Variants in USP48 observed in about 807,000 individuals in gnomAD.
USP48 encodes the protein ubiquitin specific peptidase 48.
A neutral mutation model predicts 150.7 loss-of-function variants in USP48; 43 were observed. The ratio of observed to expected loss-of-function variants is 0.29; its 90% CI spans 0.22 to 0.37. The LOEUF is 0.37. Ranked by LOEUF, USP48 falls within the 10% of genes least tolerant of loss-of-function variation. The pLI is 1.00. For missense variants in USP48, 813 were observed against 1,249.6 expected, an observed-to-expected ratio of 0.65 and a Z score of 5.27; for synonymous variants, 396 against 425.9, an observed-to-expected ratio of 0.93 and a Z score of 0.86.
In USP48 at chr1:21,706,180, T is replaced by C. The variant is rs1430423515; in HGVS notation, c.2219A>G (p.Asp740Gly). ...PCLSNWPEDT[D>G]VLYIVSQFFV... Reference sequence around the variant, plus strand: ...GAACTGAGACACGATGTAGAGGACATCCGTATCCTAGAACACAAAAATCAC... The same window carrying C: ...GAACTGAGACACGATGTAGAGGACACCCGTATCCTAGAACACAAAAATCAC... The change falls in exon 18 of 27, where the codon GAT (aspartate) becomes GGT (glycine). Residue 740 changes from aspartate to glycine, a missense_variant. By Grantham distance (94) the Asp-to-Gly change is moderately conservative. Coordinates refer to ENST00000308271, the MANE Select transcript of USP48 (RefSeq NM_032236.8). 1.2e-6 allele frequency: 2 copies of C among 1,613,686 alleles called. No individual in the cohort carries two copies. The highest frequency in any genetic ancestry group is 2.2e-5 in the South Asian group (2 of 90,992).
intron 2 of USP48, 146 bp downstream of exon 2, chr1:21,757,517 G>T: frequency 2.7e-6 from 2 of 753,760 alleles, no homozygotes; most frequent in Non-Finnish European, 4.0e-6. Context: ...AATTCAAGTG[G>T]CTTAGAGTCT....
In USP48 at chr1:21,751,514, A is replaced by T; in HGVS notation, c.767T>A (p.Phe256Tyr). The T allele has an allele frequency of 6.2e-7, 1 of 1,613,434 alleles. No homozygotes were observed. The highest frequency in any genetic ancestry group is 8.5e-7 in the Non-Finnish European group (1 of 1,179,682). ...HKQLTDCISEFLKEEKLEGDN... is the reference protein window; with the variant it reads ...HKQLTDCISEYLKEEKLEGDN... ...ACACCAAAATTTGAATACCTTCAAA[A>T]ATTCCGAGATACAATCTGTTAACTG... Residue 256 changes from phenylalanine (F) to tyrosine (Y), a missense_variant, in exon 6 of 27, where the codon TTT (phenylalanine) becomes TAT (tyrosine). Phe to Tyr is a conservative substitution (Grantham distance 22). Transcript: ENST00000308271.
chr1:21,757,792 A>G lies in USP48; in HGVS notation c.135-9T>C, dbSNP rs570987086. On this transcript the variant is annotated splice_polypyrimidine_tract_variant and intron_variant, in intron 1 of 26. Transcript: ENST00000308271. ...TTCCTTTGCAGTTTCGTCTAAGGGG[A>G]AAAAAAAAACCTTTAATTTTTAAAA... The G allele has an allele frequency of 5.3e-5, 78 of 1,462,662 alleles. 1 individual carries two copies. Among genetic ancestry groups the G allele is most frequent in the South Asian group, 1.8e-4 (13 of 71,616 alleles). 90.6% of individuals were successfully genotyped at this position (1,462,662 alleles called of 1,614,324 possible).
chr1:21,782,402 C>T (rs1211589205), intron 1 of USP48, among the ~76,000 whole-genome samples: 2 of 152,062 alleles, frequency 1.3e-5, no homozygotes, highest in Admixed American at 1.3e-4. Flanking sequence ...TCTAAAGCTG[C>T]CCTCTACAAA....
chr1:21,713,504 T>C (rs1228379117), intron 15 of USP48, among the ~76,000 whole-genome samples: 1 of 152,136 alleles, frequency 6.6e-6, no homozygotes, highest in Non-Finnish European at 1.5e-5. Context: ...CTGTCAGTAC[T>C]GAAATGACAT....
At chr1:21,736,336 T>C in intron 9 of USP48, 110 bp downstream of exon 9, 4 of 1,113,518 alleles carry the variant, frequency 3.6e-6, no homozygotes, top group Non-Finnish European at 5.0e-6. Flanking sequence ...AATGCAAATA[T>C]CCTTGATAGT....
At position 21,679,168 on chromosome 1, in the gene USP48, G is replaced by GCCCTCTCCCC; in HGVS notation, c.*248_*249insGGGGAGAGGG. The GCCCTCTCCCC allele has an allele frequency of 3.8e-6, 2 of 531,240 alleles. No individual in the cohort carries two copies. Among genetic ancestry groups the GCCCTCTCCCC allele is most frequent in the Non-Finnish European group, 3.4e-6 (1 of 297,372 alleles). The allele number at this position is 531,240 out of a possible 1,614,324, so 32.9% of individuals were successfully genotyped here. A position where few individuals can be genotyped will look rare whatever the true frequency, so the allele number is the denominator to read the frequency against. ...TACTAAACTTGTTCCGTCTTTACTT[G>GCCCTCTCCCC]CCCCCTCCCACCCACCACCCCCCTT... On this transcript the variant is annotated 3_prime_UTR_variant, in exon 27 of 27. Transcript: ENST00000308271.
At chr1:21,781,564 T>A (rs1332554126) in intron 1 of USP48, among the ~76,000 whole-genome samples, 1 of 151,878 alleles carries the variant, frequency 6.6e-6, no homozygotes, top group African/African-American at 2.4e-5. Context: ...CGAAAACCCG[T>A]CTCCACTAAA....
chr1:21,729,823 G>C lies in USP48; in HGVS notation c.1181C>G (p.Ser394Cys). 1 of 1,614,086 alleles carries C rather than the reference G, an allele frequency of 6.2e-7. No individual in the cohort carries two copies. Among genetic ancestry groups the C allele is most frequent in the Non-Finnish European group, 8.5e-7 (1 of 1,179,968 alleles). The change falls in exon 10 of 27, where the codon TCT becomes TGT. Residue 394 changes from serine to cysteine, a missense_variant. Ser to Cys is a moderately radical substitution (Grantham distance 112). Coordinates refer to ENST00000308271, the MANE Select transcript of USP48 (RefSeq NM_032236.8). ...LGIEEDLAEPSKSQTRKPKCG... is the reference protein window; with the variant it reads ...LGIEEDLAEPCKSQTRKPKCG... ...CTTGGGTTTACGTGTCTGAGACTTA[G>C]AAGGTTCTGCTGAGATAGAGAAATC...
intron 22 of USP48, among the ~76,000 whole-genome samples, chr1:21,699,052 C>A (rs1369838031): frequency 6.6e-6 from 1 of 152,062 alleles, no homozygotes; most frequent in East Asian, 1.9e-4. Flanking sequence ...TGTACATGCA[C>A]AGAGTCTTGC....
chr1:21,750,392 C>T (rs910601158), intron 6 of USP48, among the ~76,000 whole-genome samples: 4 of 152,126 alleles, frequency 2.6e-5, no homozygotes, highest in African/African-American at 7.2e-5. Flanking sequence ...CCAGCCTACT[C>T]CCCAGCACAT....
intron 12 of USP48, among the ~76,000 whole-genome samples, chr1:21,722,624 C>T (rs1371868641): frequency 1.4e-5 from 2 of 147,070 alleles, no homozygotes; most frequent in Admixed American, 6.8e-5. Flanking sequence ...GCAGGTCAAT[C>T]ACTTGAGCCT....
At chr1:21,782,763 C>T in intron 1 of USP48, 61 bp downstream of exon 1, 4 of 1,477,840 alleles carry the variant, frequency 2.7e-6, no homozygotes, top group Non-Finnish European at 3.6e-6. Context: ...TTCCCCTACC[C>T]CGCCCGGGCT....
chr1:21,705,694 G>T, intron 19 of USP48, 33 bp downstream of exon 19: 2 of 1,449,758 alleles, frequency 1.4e-6, no homozygotes, highest in South Asian at 2.5e-5. Context: ...GAGAAAAGAA[G>T]AAAAAAAAAT....
intron 26 of USP48, 98 bp downstream of exon 26, chr1:21,680,710 T>C: frequency 8.5e-7 from 1 of 1,176,640 alleles, no homozygotes; most frequent in South Asian, 1.4e-5. Context: ...AGACTCAGAT[T>C]GGATTAAAAT....
At chr1:21,728,817 T>A (rs558377734) in intron 10 of USP48, 98 bp from the exon 11 acceptor site, 2 of 1,406,182 alleles carry the variant, frequency 1.4e-6, no homozygotes, top group Non-Finnish European at 1.9e-6. Context: ...GATTAAAACA[T>A]TGGCAGAAAT....
chr1:21,722,121 A>G (rs2097722717), intron 12 of USP48, among the ~76,000 whole-genome samples: 1 of 152,126 alleles, frequency 6.6e-6, no homozygotes, highest in Non-Finnish European at 1.5e-5. Context: ...AATGATCTTC[A>G]TGTGAAAGTG....
At chr1:21,700,893 G>A (rs1034776091) in intron 22 of USP48, among the ~76,000 whole-genome samples, 5 of 152,048 alleles carry the variant, frequency 3.3e-5, no homozygotes, top group Non-Finnish European at 7.4e-5. Flanking sequence ...GTGAAACCCC[G>A]TCTCCATTAA....
chr1:21,775,957 C>T (rs892131433), intron 1 of USP48, among the ~76,000 whole-genome samples: 1 of 152,158 alleles, frequency 6.6e-6, no homozygotes, highest in Non-Finnish European at 1.5e-5. Flanking sequence ...ACATATTAAA[C>T]ATATGAAACC....
Sources: allele counts gnomAD v4.1 joint callset (sites outside exome capture counted in the v4.1 genomes callset), GRCh38; gene constraint gnomAD v4.1.1; transcripts MANE v1.5; gene names NCBI Gene and HGNC (gene_info 2026-07-23, HGNC 2026-07-21).